The following YPEL1 variants were observed in gnomAD, a reference collection of about 807,000 sequenced individuals.
The protein encoded by YPEL1 is yippee like 1.
In YPEL1, 7 loss-of-function variants were observed where a neutral mutation model predicts 17.3. The ratio of observed to expected loss-of-function variants is 0.40; its 90% CI spans 0.23 to 0.76. The LOEUF (loss-of-function observed/expected upper bound fraction) is 0.76, where lower values mean the gene tolerates loss of function less well. YPEL1 is among the 30% of genes least tolerant of loss of function. The probability of loss-of-function intolerance (pLI) is 0.35; values close to 1 mark genes in which losing one functional copy is unlikely to be tolerated. For synonymous variants in YPEL1, 59 were observed against 59.6 expected (o/e 0.99, Z 0.05); for missense variants, 91 against 155.5 (o/e 0.59, Z 2.21).
At chr22:21,721,417 CT>C (rs1413173206) in intron 1 of YPEL1, among the ~76,000 whole-genome samples, 1 of 41,164 alleles carries the variant, frequency 2.4e-5, no homozygotes, top group East Asian at 2.9e-4. Context: ...CATGCCCAGC[CT>C]TTTTTTCTTT....
intron 2 of YPEL1, 67 bp downstream of exon 2, chr22:21,710,561 C>A: frequency 7.7e-7 from 1 of 1,305,746 alleles, no homozygotes; most frequent in Non-Finnish European, 1.1e-6. Context: ...AAATATTCTT[C>A]CACTATGTAG....
At chr22:21,717,677 TAA>T (rs1179722812) in intron 1 of YPEL1, among the ~76,000 whole-genome samples, 1 of 152,062 alleles carries the variant, frequency 6.6e-6, no homozygotes, top group Non-Finnish European at 1.5e-5. Context: ...AAAAAAGTCT[TAA>T]AAGTGTCCAG....
At chr22:21,733,768 C>CA (rs1239066684) in intron 1 of YPEL1, among the ~76,000 whole-genome samples, 2 of 151,844 alleles carry the variant, frequency 1.3e-5, no homozygotes, top group African/African-American at 4.8e-5. Context: ...AACAAACCAA[C>CA]AAAAAAAGAA....
At chr22:21,732,786 TAACAAC>T (rs762906953) in intron 1 of YPEL1, among the ~76,000 whole-genome samples, 1 of 150,312 alleles carries the variant, frequency 6.7e-6, no homozygotes. Flanking sequence ...GTCTCAAAAA[TAACAAC>T]AACAACAAAA....
chr22:21,711,488 G>A lies in YPEL1; in HGVS notation c.-164-580C>T, dbSNP rs114590227. Among the ~76,000 whole-genome samples, 362 of 152,274 alleles carry A rather than the reference G, an allele frequency of 2.4e-3. 1 individual carries two copies. The highest frequency in any genetic ancestry group is 8.2e-3 in the African/African-American group (341 of 41,556). ...CACCCCGAATCCGGGAATTCACCAC[G>A]CAGAGCACCAGGACATTGAGGAATG... is the stretch of plus-strand genomic sequence containing the variant. On this transcript the variant is annotated intron_variant, in intron 1 of 4. Coordinates refer to ENST00000339468, the MANE Select transcript of YPEL1 (RefSeq NM_013313.5).
At chr22:21,733,799 T>C (rs1190589199) in intron 1 of YPEL1, among the ~76,000 whole-genome samples, 2 of 152,108 alleles carry the variant, frequency 1.3e-5, no homozygotes, top group East Asian at 3.8e-4. Context: ...AAAAAACCTA[T>C]AGGGTAGCCT....
In YPEL1 at chr22:21,714,237, A is replaced by C. The variant is rs541671028; in HGVS notation, c.-164-3329T>G. Among the ~76,000 whole-genome samples, 5 of 152,336 alleles carry C rather than the reference A, an allele frequency of 3.3e-5. No individual in the cohort carries two copies. In the South Asian group the frequency reaches 6.2e-4, roughly 19 times the overall value. On this transcript the variant is annotated intron_variant, in intron 1 of 4. Coordinates refer to ENST00000339468, the MANE Select transcript of YPEL1 (RefSeq NM_013313.5). ...TTGTAATCGTGTGAACGGAAGACAC[A>C]AACGGCCGGTGGCGGCCACCCAGGA...
Position 21,727,171 on chromosome 22 carries a change from A to G in YPEL1, c.-165+8444T>C, listed in dbSNP as rs2068343880. ...TGCACAGATGCCTCCCGTGCGCTTC[A>G]TGTGGTCTCAGTCCTGATGGCAACC... On this transcript the variant is annotated intron_variant, in intron 1 of 4. Coordinates refer to ENST00000339468, the MANE Select transcript of YPEL1 (RefSeq NM_013313.5). Among the ~76,000 whole-genome samples the G allele has an allele frequency of 2.0e-5, 3 of 152,114 alleles. No individual in the cohort carries two copies. In the South Asian group the frequency reaches 6.2e-4, roughly 32 times the overall value.
intron 1 of YPEL1, among the ~76,000 whole-genome samples, chr22:21,717,133 G>A (rs1438963760): frequency 0.012 from 1,333 of 107,130 alleles, 19 homozygotes; most frequent in African/African-American, 0.034. Context: ...TGGGAGGCCG[G>A]GGCTGGGGGG....
rs536699809 is a variant in YPEL1 at position 21,706,930 on chromosome 22, G to C, written c.118-3048C>G. ...TGAGGAAAAGTTAGCTGTAAAGTGA[G>C]TGTCATTTGAGCCCTTTATTTAAAG... On this transcript the variant is annotated intron_variant, in intron 2 of 4. Coordinates refer to ENST00000339468, the MANE Select transcript of YPEL1 (RefSeq NM_013313.5). 2.6e-5 allele frequency among the ~76,000 whole-genome samples: 4 copies of C among 152,220 alleles called. No individual in the cohort carries two copies. In the East Asian group the frequency reaches 7.7e-4, roughly 29 times the overall value.
intron 1 of YPEL1, among the ~76,000 whole-genome samples, chr22:21,716,554 G>A (rs951243839): frequency 6.6e-6 from 1 of 152,286 alleles, no homozygotes; most frequent in African/African-American, 2.4e-5. Context: ...AGGACTTATG[G>A]CCCAAATTCA....
intron 2 of YPEL1, chr22:21,704,124 G>A (rs1457406390): frequency 1.3e-5 from 9 of 718,372 alleles, no homozygotes; most frequent in Middle Eastern, 4.5e-4. Flanking sequence ...TTCTGCAAGT[G>A]ACTATTATTG....
At chr22:21,713,198 T>C (rs1326994391) in intron 1 of YPEL1, among the ~76,000 whole-genome samples, 5 of 152,162 alleles carry the variant, frequency 3.3e-5, no homozygotes, top group African/African-American at 4.8e-5. Flanking sequence ...TGGGAAACAG[T>C]ATGGTAATTC....
chr22:21,710,534 G>T, intron 2 of YPEL1, 94 bp downstream of exon 2: 1 of 1,088,872 alleles, frequency 9.2e-7, no homozygotes, highest in Non-Finnish European at 1.4e-6. Context: ...GCAGACTCAG[G>T]AAGTCATGTG....
At position 21,703,565 on chromosome 22, in the gene YPEL1, C is replaced by G. The variant is rs1356985992; in HGVS notation, c.162-87G>C. 2 of 1,250,890 alleles carry G rather than the reference C, an allele frequency of 1.6e-6. No homozygotes were observed. The highest frequency in any genetic ancestry group is 3.0e-5 in the African/African-American group (2 of 67,790). 77.5% of individuals were successfully genotyped at this position (1,250,890 alleles called of 1,614,324 possible). On this transcript the variant is annotated intron_variant, in intron 3 of 4. Coordinates refer to ENST00000339468, the MANE Select transcript of YPEL1 (RefSeq NM_013313.5). This position sits in a 1 kb window ranked among gnomAD's most constrained non-coding sequence, Gnocchi z 6.1. ...CCTCAGCGGGCCCCACCCCATCCTC[C>G]TAAGAGTTCCCCCAAAACAGGGAAA...
At chr22:21,730,657 A>T (rs1484479381) in intron 1 of YPEL1, among the ~76,000 whole-genome samples, 3 of 152,156 alleles carry the variant, frequency 2.0e-5, no homozygotes, top group Admixed American at 1.3e-4. Context: ...ACACACATCC[A>T]CTTCCTCCCT....
In YPEL1 at chr22:21,732,938, A is replaced by G. The variant is rs542490219; in HGVS notation, c.-165+2677T>C. On this transcript the variant is annotated intron_variant, in intron 1 of 4. Transcript: ENST00000339468. ...CAACACAGTGAGAACCCCAAACCTC[A>G]TATCTACCAAAAAAAATTTTTTTTT... Among the ~76,000 whole-genome samples, 22 of 152,072 alleles carry G rather than the reference A, an allele frequency of 1.4e-4. No individual in the cohort carries two copies. In the South Asian group the frequency reaches 4.0e-3, roughly 27 times the overall value.
At chr22:21,712,367 T>TAAA (rs34536579) in intron 1 of YPEL1, among the ~76,000 whole-genome samples, 31,730 of 130,186 alleles carry the variant, frequency 0.24, 4,198 homozygotes, top group Non-Finnish European at 0.31. Context: ...TTGGAATATG[T>TAAA]AAAAAAAAAA....
chr22:21,721,728 A>G (rs558219028), intron 1 of YPEL1, among the ~76,000 whole-genome samples: 1 of 151,532 alleles, frequency 6.6e-6, no homozygotes, highest in African/African-American at 2.4e-5. Flanking sequence ...CCGGCCCAAC[A>G]TTTTTTTTTC....
Sources: gnomAD v4.1 joint callset for allele counts (sites outside exome capture counted in the v4.1 genomes callset) on GRCh38, gnomAD v4.1.1 for gene constraint, Gnocchi (gnomAD v3.1) non-coding constraint, MANE v1.5 for transcripts, NCBI Gene and HGNC (gene_info 2026-07-23, HGNC 2026-07-21) for gene names.